DNMT3B: variants seen among roughly 807,000 people sequenced by gnomAD.
The protein encoded by DNMT3B is DNA (cytosine-5)-methyltransferase 3B.
In DNMT3B, 37 loss-of-function variants were observed where a neutral mutation model predicts 120.2. That is an observed-to-expected ratio of 0.31 (90% CI 0.24 to 0.40). The LOEUF is 0.40. DNMT3B is among the 10% of genes least tolerant of loss of function. DNMT3B has a pLI of 1.00. For synonymous variants in DNMT3B, 412 were observed against 442.8 expected, an observed-to-expected ratio of 0.93 and a Z score of 0.87; for missense variants, 878 against 1,137.3, an observed-to-expected ratio of 0.77 and a Z score of 3.28.
Position 32,789,925 on chromosome 20 carries a change from G to A in DNMT3B, c.813+913G>A, listed in dbSNP as rs1175789722. Among the ~76,000 whole-genome samples the A allele has an allele frequency of 3.3e-5, 5 of 152,232 alleles. No homozygotes were observed. The South Asian group carries it at 6.2e-4, about 19-fold the overall frequency. On this transcript the variant is annotated intron_variant, in intron 7 of 22. Coordinates refer to ENST00000328111, the MANE Select transcript of DNMT3B (RefSeq NM_006892.4). ...GATTTTAATCAGACAGACCTATCCT[G>A]TGATGGTCTCTTAGAAGTAAATGTT...
intron 9 of DNMT3B, among the ~76,000 whole-genome samples, chr20:32,793,283 G>A (rs1396585378): frequency 6.6e-6 from 1 of 152,066 alleles, no homozygotes; most frequent in Non-Finnish European, 1.5e-5. Context: ...CACTTGAGGC[G>A]ATCACCTGGA....
At chr20:32,803,868 G>C (rs757787240) in intron 20 of DNMT3B, among the ~76,000 whole-genome samples, 44 of 152,222 alleles carry the variant, frequency 2.9e-4, no homozygotes, top group Non-Finnish European at 4.4e-5. Context: ...GGAAGTTACA[G>C]ATGAGATGAA....
At chr20:32,801,164 G>A (rs1174829857) in intron 18 of DNMT3B, 114 bp from the exon 19 acceptor site, 1 of 1,481,594 alleles carries the variant, frequency 6.7e-7, no homozygotes, top group African/African-American at 1.4e-5. Context: ...TAGACTGGTA[G>A]GCATCACCCT....
In DNMT3B at chr20:32,808,830, A is replaced by C. The variant is rs1982230242; in HGVS notation, c.*927A>C. The C allele has an allele frequency of 4.4e-6, 1 of 227,558 alleles. No individual in the cohort carries two copies. Among genetic ancestry groups the C allele is most frequent in the African/African-American group, 2.2e-5 (1 of 44,990 alleles). The allele number at this position is 227,558 out of a possible 1,614,324, so 14.1% of individuals were successfully genotyped here. The stretch of plus-strand genomic sequence containing the variant: ...TCCAGGAGACCTACCCTCCACAGGC[A>C]CAGGTCCCCAGATGAGAAGTCTGCT... On this transcript the variant is annotated 3_prime_UTR_variant, in exon 23 of 23. Coordinates refer to ENST00000328111, the MANE Select transcript of DNMT3B (RefSeq NM_006892.4).
intron 1 of DNMT3B, among the ~76,000 whole-genome samples, chr20:32,775,998 G>T (rs533259499): frequency 6.6e-6 from 1 of 152,346 alleles, no homozygotes; most frequent in East Asian, 1.9e-4. Context: ...CCAGGCCAAG[G>T]CGAGTAGATC....
chr20:32,792,545 C>G (rs1475876224), intron 8 of DNMT3B, 81 bp from the exon 9 acceptor site: 26 of 1,610,614 alleles, frequency 1.6e-5, no homozygotes, highest in Non-Finnish European at 2.1e-5. Context: ...AATGTAGGCC[C>G]TGGCTGGGGG....
At chr20:32,806,104 G>C (rs1362305915) in intron 21 of DNMT3B, 105 bp from the exon 22 acceptor site, 1 of 1,047,034 alleles carries the variant, frequency 9.6e-7, no homozygotes, top group South Asian at 1.3e-5. Context: ...CCACTCTTCT[G>C]CCGCACCTGC....
intron 1 of DNMT3B, among the ~76,000 whole-genome samples, chr20:32,769,126 C>T (rs914336520): frequency 6.6e-6 from 1 of 152,156 alleles, no homozygotes; most frequent in African/African-American, 2.4e-5. Flanking sequence ...GCTCTGTCGC[C>T]CAGGCTGGAG....
chr20:32,763,395 G>C (rs1473534321), intron 1 of DNMT3B, among the ~76,000 whole-genome samples: 1 of 152,180 alleles, frequency 6.6e-6, no homozygotes, highest in Non-Finnish European at 1.5e-5. Context: ...CCCTCTGCCT[G>C]TGCACACCTG....
At chr20:32,791,453 C>A (rs564253658) in intron 7 of DNMT3B, 148 bp from the exon 8 acceptor site, 3 of 769,762 alleles carry the variant, frequency 3.9e-6, no homozygotes, top group Admixed American at 4.6e-5. Context: ...TCCTTCCTTT[C>A]AAATAGATGT....
intron 15 of DNMT3B, 72 bp from the exon 16 acceptor site, chr20:32,799,172 C>A: frequency 6.6e-7 from 1 of 1,514,878 alleles, no homozygotes; most frequent in Non-Finnish European, 9.0e-7. Flanking sequence ...GCAGGGTCAG[C>A]CTGCCCCTCC....
chr20:32,795,629 G>A (rs780608450), intron 11 of DNMT3B, 21 bp from the exon 12 acceptor site: 2 of 1,614,190 alleles, frequency 1.2e-6, no homozygotes, highest in Non-Finnish European at 1.7e-6. Flanking sequence ...CTCATCTCAT[G>A]CCTTCTTCTT....
chr20:32,790,900 G>A (rs182789328), intron 7 of DNMT3B, among the ~76,000 whole-genome samples: 69 of 152,238 alleles, frequency 4.5e-4, no homozygotes, highest in African/African-American at 1.6e-3. Context: ...GGGCTCAAGC[G>A]ATCCTCTCAA....
intron 20 of DNMT3B, among the ~76,000 whole-genome samples, chr20:32,803,179 C>G (rs147489284): frequency 6.6e-6 from 1 of 152,362 alleles, no homozygotes; most frequent in Non-Finnish European, 1.5e-5. Context: ...TCTTCAGACA[C>G]TCTGAAAGCC....
At chr20:32,786,151 T>C (rs985787324) in intron 4 of DNMT3B, among the ~76,000 whole-genome samples, 3 of 152,262 alleles carry the variant, frequency 2.0e-5, no homozygotes, top group Non-Finnish European at 4.4e-5. Flanking sequence ...CCCAAAGTGC[T>C]GGGATCACAG....
rs139777286 is a variant in DNMT3B at position 32,805,342 on chromosome 20, G to A, written c.2236G>A (p.Val746Met). 4.6e-5 allele frequency: 74 copies of A among 1,614,010 alleles called. No homozygotes were observed. The Admixed American group carries it at 4.7e-4, about 10-fold the overall frequency. The change falls in exon 21 of 23, where the codon GTG (valine) becomes ATG (methionine). Residue 746 changes from valine to methionine, a missense_variant. Around this residue, in one of 4 missense-constraint regions of DNMT3B, gnomAD observed 334 missense variants for 518.8 expected, o/e 0.64. Transcript: ENST00000328111. ...WGNLPGMNRPVIASKNDKLEL... is the reference protein window; with the variant it reads ...WGNLPGMNRPMIASKNDKLEL... Reference sequence around the variant, plus strand: ...ATGGGTTTTGGCTGTTCCCAGGCCCGTGATAGCATCAAAGAATGATAAACT... The same window carrying A: ...ATGGGTTTTGGCTGTTCCCAGGCCCATGATAGCATCAAAGAATGATAAACT...
At chr20:32,791,023 T>A (rs943163820) in intron 7 of DNMT3B, among the ~76,000 whole-genome samples, 4 of 152,228 alleles carry the variant, frequency 2.6e-5, no homozygotes, top group African/African-American at 9.6e-5. Context: ...CTCAGTCAGT[T>A]CATGCTTGGT....
chr20:32,807,991 C>G lies in DNMT3B; in HGVS notation c.*88C>G, dbSNP rs911106592. ...CCTGAAGGCATCCCCAGGCCCTGCTCTTCCTCAGCTGTGTGGGTCATACCG... is the reference window on the plus strand; with the variant it reads ...CCTGAAGGCATCCCCAGGCCCTGCTGTTCCTCAGCTGTGTGGGTCATACCG... On this transcript the variant is annotated 3_prime_UTR_variant, in exon 23 of 23. Coordinates refer to ENST00000328111, the MANE Select transcript of DNMT3B (RefSeq NM_006892.4). 1 of 1,606,520 alleles carries G rather than the reference C, an allele frequency of 6.2e-7. No homozygotes were observed. Among genetic ancestry groups the G allele is most frequent in the African/African-American group, 1.3e-5 (1 of 74,870 alleles).
In DNMT3B at chr20:32,801,346, G is replaced by C; in HGVS notation, c.2065G>C (p.Asp689His). ...TTACTCACGCCCCAAGGAGGGTGAT[G>C]ACCGGCCGTTCTTCTGGATGTTTGA... Reference protein sequence around the residue: ...LNYSRPKEGDDRPFFWMFENV... With the variant: ...LNYSRPKEGDHRPFFWMFENV... The change falls in exon 19 of 23, where the codon GAC becomes CAC. Residue 689 changes from aspartate to histidine, a missense_variant. Coordinates refer to ENST00000328111, the MANE Select transcript of DNMT3B (RefSeq NM_006892.4). The C allele has an allele frequency of 6.2e-7, 1 of 1,614,162 alleles. No individual in the cohort carries two copies. Among genetic ancestry groups the C allele is most frequent in the Middle Eastern group, 1.7e-4 (1 of 6,058 alleles).
Sources: allele counts gnomAD v4.1 joint callset (sites outside exome capture counted in the v4.1 genomes callset), GRCh38; gene constraint gnomAD v4.1.1; regional missense constraint gnomAD v4.1.1; transcripts MANE v1.5; gene names NCBI Gene and HGNC (gene_info 2026-07-23, HGNC 2026-07-21).